The following MBTD1 variants were observed in gnomAD, a reference collection of about 807,000 sequenced individuals.
MBTD1 encodes MBT domain-containing protein 1.
Under a neutral mutation model 87.8 loss-of-function variants are expected in MBTD1, and 24 were observed. The observed-to-expected ratio is 0.27, with a 90% CI of 0.20 to 0.38. The LOEUF is 0.38. Ranked by LOEUF, MBTD1 falls within the 10% of genes least tolerant of loss-of-function variation. The probability of loss-of-function intolerance (pLI) is 1.00; values close to 1 mark genes in which losing one functional copy is unlikely to be tolerated. For synonymous variants in MBTD1, 237 were observed against 248.6 expected, an observed-to-expected ratio of 0.95 and a Z score of 0.44; for missense variants, 436 against 760.2, an observed-to-expected ratio of 0.57 and a Z score of 5.02.
chr17:51,212,965 T>C (rs184967348), intron 6 of MBTD1, among the ~76,000 whole-genome samples: 11 of 152,202 alleles, frequency 7.2e-5, no homozygotes, highest in African/African-American at 2.7e-4. Flanking sequence ...GCTGACCTTG[T>C]GATCCGCCTG....
At chr17:51,183,793 T>C (rs1252196898) in intron 16 of MBTD1, 1 of 152,152 alleles carries the variant, frequency 6.6e-6, no homozygotes, top group Non-Finnish European at 1.5e-5. Flanking sequence ...ATTTTAACAA[T>C]ACCTAGAAAA....
intron 16 of MBTD1, among the ~76,000 whole-genome samples, chr17:51,189,998 G>A (rs2050721412): frequency 6.6e-6 from 1 of 152,204 alleles, no homozygotes; most frequent in African/African-American, 2.4e-5. Flanking sequence ...CAGGCCTGTA[G>A]GTTGCTACTT....
At position 51,230,796 on chromosome 17, in the gene MBTD1, AT is replaced by A. The variant is rs1249856607; in HGVS notation, c.-48-5588del. Among the ~76,000 whole-genome samples, 10 of 152,186 alleles carry A rather than the reference AT, an allele frequency of 6.6e-5. No individual in the cohort carries two copies. The East Asian group carries it at 1.7e-3, about 26-fold the overall frequency. On this transcript the variant is annotated intron_variant, in intron 2 of 16. Coordinates refer to ENST00000586178, the MANE Select transcript of MBTD1 (RefSeq NM_017643.3). Reference sequence around the variant, plus strand: ...CCTTGTAGGCCAGGGTAAGAAACTGATTTTTTTCCTGGAGGCAATGGGAAGA... The same window carrying A: ...CCTTGTAGGCCAGGGTAAGAAACTGATTTTTTCCTGGAGGCAATGGGAAGA...
At chr17:51,226,539 A>G (rs1307260133) in intron 2 of MBTD1, among the ~76,000 whole-genome samples, 9 of 151,982 alleles carry the variant, frequency 5.9e-5, no homozygotes, top group African/African-American at 2.2e-4. Context: ...TCGTGGTGAA[A>G]TATACATAAC....
chr17:51,187,121 A>T (rs1490653271), intron 16 of MBTD1, among the ~76,000 whole-genome samples: 1 of 152,102 alleles, frequency 6.6e-6, no homozygotes, highest in Non-Finnish European at 1.5e-5. Context: ...AATCTGATTT[A>T]TTCTGAAACA....
intron 13 of MBTD1, among the ~76,000 whole-genome samples, chr17:51,194,423 A>T (rs894092337): frequency 6.6e-6 from 1 of 152,034 alleles, no homozygotes; most frequent in African/African-American, 2.4e-5. Flanking sequence ...TAGAAAAATC[A>T]GCTGGGCGTG....
intron 12 of MBTD1, among the ~76,000 whole-genome samples, chr17:51,198,695 C>T (rs766721642): frequency 6.6e-6 from 1 of 152,214 alleles, no homozygotes; most frequent in African/African-American, 2.4e-5. Context: ...AAGGATCCTC[C>T]CAGCTCAGCG....
intron 2 of MBTD1, among the ~76,000 whole-genome samples, chr17:51,246,180 A>T (rs1392559751): frequency 3.3e-5 from 5 of 152,236 alleles, no homozygotes; most frequent in African/African-American, 1.2e-4. Context: ...TATCTTGGGG[A>T]TGAGACCCAA....
chr17:51,207,318 T>C (rs1466320824), intron 6 of MBTD1, among the ~76,000 whole-genome samples: 3 of 152,174 alleles, frequency 2.0e-5, no homozygotes, highest in African/African-American at 7.2e-5. Context: ...ATTAAACTGA[T>C]TTAAGAAATT....
chr17:51,212,742 A>G (rs751356689), intron 6 of MBTD1, among the ~76,000 whole-genome samples: 28 of 152,190 alleles, frequency 1.8e-4, no homozygotes, highest in Non-Finnish European at 3.7e-4. Context: ...AAAATAATGA[A>G]GAGTGCTTAA....
At chr17:51,227,219 G>A (rs1182208302) in intron 2 of MBTD1, among the ~76,000 whole-genome samples, 1 of 142,554 alleles carries the variant, frequency 7.0e-6, no homozygotes, top group Non-Finnish European at 1.5e-5. Flanking sequence ...TCCAGCCTGG[G>A]TGACAGAGCG....
At chr17:51,200,672 C>T (rs2051424996) in intron 12 of MBTD1, among the ~76,000 whole-genome samples, 2 of 151,192 alleles carry the variant, frequency 1.3e-5, no homozygotes, top group Admixed American at 6.6e-5. Context: ...GAGACCAGCC[C>T]AGGCAACATG....
At chr17:51,248,222 T>A (rs2054563642) in intron 2 of MBTD1, among the ~76,000 whole-genome samples, 1 of 152,206 alleles carries the variant, frequency 6.6e-6, no homozygotes, top group Non-Finnish European at 1.5e-5. Context: ...GTTAACTCAT[T>A]AACTTCTACT....
chr17:51,259,695 G>A (rs1043757435), intron 1 of MBTD1, 140 bp downstream of exon 1: 11 of 721,184 alleles, frequency 1.5e-5, no homozygotes, highest in African/African-American at 7.4e-5. Flanking sequence ...GGGGGAGGGG[G>A]GCTCCGGAGG....
intron 16 of MBTD1, chr17:51,191,900 TAA>T (rs2050834328): frequency 3.5e-6 from 1 of 282,130 alleles, no homozygotes; most frequent in Non-Finnish European, 6.6e-6. Flanking sequence ...TCTTTTTAAA[TAA>T]AGTTTTTAAA....
At chr17:51,214,078 C>T in intron 6 of MBTD1, among the ~76,000 whole-genome samples, 1 of 151,628 alleles carries the variant, frequency 6.6e-6, no homozygotes, top group East Asian at 1.9e-4. Flanking sequence ...TAAACACACA[C>T]ATATATATAT....
chr17:51,259,254 A>T (rs2055295238), intron 1 of MBTD1, 48 bp from the exon 2 acceptor site: 1 of 1,231,822 alleles, frequency 8.1e-7, no homozygotes, highest in African/African-American at 1.5e-5. Flanking sequence ...CAATGGTCAC[A>T]GAAGTCCACC....
chr17:51,192,096 G>A lies in MBTD1; in HGVS notation c.1768+107C>T, dbSNP rs1169061999. On this transcript the variant is annotated intron_variant, in intron 16 of 16. Transcript: ENST00000586178. ...TGCACCTTTAAGCATAATACATAAT[G>A]CACAATCATCAGTTCTCACAAGATA... 20 of 830,374 alleles carry A rather than the reference G, an allele frequency of 2.4e-5. No individual in the cohort carries two copies. The Admixed American group carries it at 4.4e-4, about 18-fold the overall frequency. 51.4% of individuals were successfully genotyped at this position (830,374 alleles called of 1,614,324 possible). A position where few individuals can be genotyped will look rare whatever the true frequency, so the allele number is the denominator to read the frequency against.
At chr17:51,234,886 G>A (rs940607596) in intron 2 of MBTD1, among the ~76,000 whole-genome samples, 3 of 151,864 alleles carry the variant, frequency 2.0e-5, no homozygotes, top group African/African-American at 4.8e-5. Flanking sequence ...CAGTAGAGAT[G>A]GAGTTTCTCC....
Sources: allele counts gnomAD v4.1 joint callset (sites outside exome capture counted in the v4.1 genomes callset), GRCh38; gene constraint gnomAD v4.1.1; transcripts MANE v1.5; gene names NCBI Gene and HGNC (gene_info 2026-07-23, HGNC 2026-07-21).